The following TAFA1 variants were observed in gnomAD, a reference collection of about 807,000 sequenced individuals.
The protein encoded by TAFA1 is TAFA chemokine like family member 1.
TAFA1 carries 4 observed loss-of-function variants against 18.5 expected under a neutral mutation model. The ratio of observed to expected loss-of-function variants is 0.22; its 90% confidence interval spans 0.11 to 0.49. TAFA1 has a LOEUF of 0.49. TAFA1 is among the 20% of genes least tolerant of loss of function. The pLI is 0.98. For missense variants in TAFA1, 147 were observed against 169.0 expected (o/e 0.87, Z 0.72); for synonymous variants, 56 against 55.2 (o/e 1.01, Z -0.06).
chr3:68,209,842 T>C (rs1210994055), intron 2 of TAFA1, among the ~76,000 whole-genome samples: 1 of 152,060 alleles, frequency 6.6e-6, no homozygotes. Context: ...AATTTATATA[T>C]ACTTCATTGT....
chr3:68,242,151 G>A (rs536911072), intron 2 of TAFA1, among the ~76,000 whole-genome samples: 21 of 152,180 alleles, frequency 1.4e-4, no homozygotes, highest in African/African-American at 4.8e-4. Flanking sequence ...GCTTTTTGTT[G>A]AAATGAATGA....
chr3:68,049,897 T>C (rs1198650881), intron 2 of TAFA1, among the ~76,000 whole-genome samples: 3 of 152,140 alleles, frequency 2.0e-5, no homozygotes, highest in Admixed American at 2.0e-4. Flanking sequence ...GCGTTTATCC[T>C]GCTTTGTAGA....
chr3:68,050,142 A>G (rs966976687), intron 2 of TAFA1, among the ~76,000 whole-genome samples: 22 of 152,198 alleles, frequency 1.4e-4, no homozygotes, highest in African/African-American at 4.8e-4. Context: ...TCAACTATAA[A>G]TAGTTCCTTT....
chr3:68,379,480 A>G (rs1405206126), intron 2 of TAFA1, among the ~76,000 whole-genome samples: 8 of 152,186 alleles, frequency 5.3e-5, no homozygotes, highest in Non-Finnish European at 2.9e-5. Context: ...TTTGCTGTGC[A>G]GAAGCTCTTT....
intron 2 of TAFA1, among the ~76,000 whole-genome samples, chr3:68,217,963 C>T (rs2066679902): frequency 6.6e-6 from 1 of 151,912 alleles, no homozygotes; most frequent in Admixed American, 6.6e-5. Flanking sequence ...TTTAGAGGAA[C>T]CTCTGAAATT....
intron 2 of TAFA1, among the ~76,000 whole-genome samples, chr3:68,260,285 A>C (rs1472315908): frequency 1.3e-5 from 2 of 152,264 alleles, no homozygotes; most frequent in East Asian, 3.9e-4. Context: ...CCAGGGATGA[A>C]GCCCACTTGA....
Position 68,048,952 on chromosome 3 carries a change from G to A in TAFA1, c.118+42208G>A, listed in dbSNP as rs140953207. Among the ~76,000 whole-genome samples the A allele has an allele frequency of 3.3e-3, 498 of 152,234 alleles. 3 individuals carry two copies. Among genetic ancestry groups the A allele is most frequent in the Non-Finnish European group, 5.7e-3 (385 of 68,002 alleles). On this transcript the variant is annotated intron_variant, in intron 2 of 4. Transcript: ENST00000478136. ...GTGCAGATATCTCTTTGATATACTG[G>A]TTTCTTTTCTTTGGGGCATATACCT...
At chr3:68,241,820 C>CA (rs2067004637) in intron 2 of TAFA1, among the ~76,000 whole-genome samples, 2 of 152,070 alleles carry the variant, frequency 1.3e-5, no homozygotes, top group Admixed American at 6.6e-5. Context: ...GATGAAAACC[C>CA]AAAAAGTCCA....
intron 2 of TAFA1, among the ~76,000 whole-genome samples, chr3:68,353,577 T>A (rs1162480262): frequency 6.6e-6 from 1 of 152,012 alleles, no homozygotes; most frequent in Non-Finnish European, 1.5e-5. Flanking sequence ...TGCTATATAA[T>A]CTGGCTGTTC....
intron 3 of TAFA1, among the ~76,000 whole-genome samples, chr3:68,521,484 G>C (rs992974292): frequency 6.6e-6 from 1 of 152,068 alleles, no homozygotes; most frequent in Non-Finnish European, 1.5e-5. Flanking sequence ...GCCTCACGAA[G>C]CGTACAGCTT....
chr3:68,113,096 C>A (rs1264098880), intron 2 of TAFA1, among the ~76,000 whole-genome samples: 1 of 152,052 alleles, frequency 6.6e-6, no homozygotes, highest in Non-Finnish European at 1.5e-5. Context: ...AAATACAAAG[C>A]CCTATTAATC....
intron 2 of TAFA1, among the ~76,000 whole-genome samples, chr3:68,375,031 T>C (rs761779809): frequency 1.1e-4 from 16 of 152,162 alleles, no homozygotes; most frequent in Non-Finnish European, 1.8e-4. Context: ...TAATGCTGTT[T>C]GGGGATGAAT....
chr3:68,381,450 C>T (rs2069953133), intron 2 of TAFA1, among the ~76,000 whole-genome samples: 1 of 152,020 alleles, frequency 6.6e-6, no homozygotes, highest in Non-Finnish European at 1.5e-5. Flanking sequence ...TTTCATTGAG[C>T]AGTGGTTTGT....
intron 2 of TAFA1, among the ~76,000 whole-genome samples, chr3:68,098,444 T>C (rs2065112535): frequency 6.6e-6 from 1 of 152,154 alleles, no homozygotes; most frequent in Non-Finnish European, 1.5e-5. Flanking sequence ...AGGCATTAAC[T>C]TCTATATCTT....
chr3:68,131,127 T>C (rs1469492168), intron 2 of TAFA1, among the ~76,000 whole-genome samples: 1 of 152,224 alleles, frequency 6.6e-6, no homozygotes, highest in East Asian at 1.9e-4. Flanking sequence ...TGAGTTATGT[T>C]GTCCCAGAGA....
chr3:68,130,787 C>T (rs1459074039), intron 2 of TAFA1, among the ~76,000 whole-genome samples: 1 of 152,160 alleles, frequency 6.6e-6, no homozygotes, highest in East Asian at 1.9e-4. Flanking sequence ...CCTCCCTTCT[C>T]ACCAGCAGTT....
chr3:68,205,431 G>T (rs996077587), intron 2 of TAFA1, among the ~76,000 whole-genome samples: 2 of 151,796 alleles, frequency 1.3e-5, no homozygotes, highest in South Asian at 2.1e-4. Context: ...ATAGGGCCAG[G>T]TGTCCATCAG....
At chr3:68,338,888 G>A (rs1352853) in intron 2 of TAFA1, among the ~76,000 whole-genome samples, 56,880 of 151,996 alleles carry the variant, frequency 0.37, 11,196 homozygotes, top group East Asian at 0.62. Flanking sequence ...GCTTGGATTC[G>A]TGCTGTAGAT....
intron 3 of TAFA1, among the ~76,000 whole-genome samples, chr3:68,490,553 A>T (rs1409951868): frequency 1.3e-5 from 2 of 152,170 alleles, no homozygotes; most frequent in African/African-American, 2.4e-5. Context: ...AAAAGTTTGG[A>T]TACAGAAGAA....
Sources: gnomAD v4.1 joint callset for allele counts (sites outside exome capture counted in the v4.1 genomes callset) on GRCh38, gnomAD v4.1.1 for gene constraint, MANE v1.5 for transcripts, NCBI Gene and HGNC (gene_info 2026-07-23, HGNC 2026-07-21) for gene names.